HECW1: variants seen among roughly 807,000 people sequenced by gnomAD.
HECW1 encodes E3 ubiquitin-protein ligase HECW1.
Under a neutral mutation model 182.3 loss-of-function variants are expected in HECW1, and 61 were observed. The ratio of observed to expected loss-of-function variants is 0.33; its 90% CI spans 0.27 to 0.41. The LOEUF (loss-of-function observed/expected upper bound fraction) is 0.41, where lower values mean the gene tolerates loss of function less well. Ranked by LOEUF, HECW1 falls within the 10% of genes least tolerant of loss-of-function variation. The probability of loss-of-function intolerance (pLI) is 1.00; values close to 1 mark genes in which losing one functional copy is unlikely to be tolerated. For missense variants in HECW1, 1,739 were observed against 2,108.9 expected (o/e 0.82, Z 3.44); for synonymous variants, 859 against 832.6 (o/e 1.03, Z -0.55).
At chr7:43,319,380 C>A (rs545984228) in intron 4 of HECW1, among the ~76,000 whole-genome samples, 1 of 74,858 alleles carries the variant, frequency 1.3e-5, no homozygotes, top group East Asian at 3.9e-4. Context: ...GGCGACAGAG[C>A]GAGACTCCGT....
chr7:43,445,367 T>G lies in HECW1; in HGVS notation c.2195T>G (p.Val732Gly). The G allele has an allele frequency of 6.2e-7, 1 of 1,613,664 alleles. No individual in the cohort carries two copies. The highest frequency in any genetic ancestry group is 8.5e-7 in the Non-Finnish European group (1 of 1,180,002). ...AGCGCCAAGATCTCCGAGAGCACGG[T>G]CTTCTCCTCGCAAGACGACGAGGAG... ...VDSAKISESTVFSSQDDEEEE... is the reference protein window; with the variant it reads ...VDSAKISESTGFSSQDDEEEE... The change falls in exon 11 of 30, where the codon GTC (valine) becomes GGC (glycine). Residue 732 changes from valine (V) to glycine (G), a missense_variant. Val to Gly is a moderately radical substitution (Grantham distance 109). Around this residue, in one of 5 missense-constraint regions of HECW1, gnomAD observed 971 missense variants for 1,029.1 expected, o/e 0.94. Coordinates refer to ENST00000395891, the MANE Select transcript of HECW1 (RefSeq NM_015052.5).
intron 8 of HECW1, among the ~76,000 whole-genome samples, chr7:43,409,075 T>G (rs899638765): frequency 2.0e-5 from 3 of 152,180 alleles, no homozygotes; most frequent in Non-Finnish European, 2.9e-5. Flanking sequence ...AAAACATAAT[T>G]AGACATATGA....
chr7:43,404,366 T>G (rs566253828), intron 7 of HECW1, among the ~76,000 whole-genome samples: 1 of 152,328 alleles, frequency 6.6e-6, no homozygotes, highest in East Asian at 1.9e-4. Context: ...CTCCCAAAGC[T>G]AAGATATAAA....
chr7:43,179,442 C>G (rs1234505239), intron 2 of HECW1, among the ~76,000 whole-genome samples: 1 of 152,184 alleles, frequency 6.6e-6, no homozygotes, highest in Non-Finnish European at 1.5e-5. Context: ...AGGTGTGGTA[C>G]TAAAATTGAA....
At chr7:43,361,053 CGTGCGTGT>C (rs956405008) in intron 6 of HECW1, 73 bp downstream of exon 6, 13 of 810,918 alleles carry the variant, frequency 1.6e-5, no homozygotes, top group African/African-American at 1.0e-4. Context: ...TGTTCTTGTG[CGTGCGTGT>C]GTGTGTGTGT....
At position 43,311,796 on chromosome 7, in the gene HECW1, G is replaced by T. The variant is rs1413143821; in HGVS notation, c.61G>T (p.Ala21Ser). The T allele has an allele frequency of 1.2e-6, 2 of 1,613,834 alleles. No homozygotes were observed. The highest frequency in any genetic ancestry group is 1.7e-5 in the Admixed American group (1 of 59,998). Residue 21 changes from alanine to serine, a missense_variant, in exon 4 of 30, where the codon GCC becomes TCC. By Grantham distance (99) the Ala-to-Ser change is moderately conservative. Around this residue, in one of 5 missense-constraint regions of HECW1, gnomAD observed 279 missense variants for 353.1 expected, o/e 0.79. Transcript: ENST00000395891. ...CCAGAACAGGTTTTTAGGCCTGGCC[G>T]CCATGGCGTCTCCTTCTAGAAACTC... ...LYQNRFLGLAAMASPSRNSQS... is the reference protein window; with the variant it reads ...LYQNRFLGLASMASPSRNSQS...
At chr7:43,422,623 C>T (rs2076222293) in intron 8 of HECW1, among the ~76,000 whole-genome samples, 1 of 152,104 alleles carries the variant, frequency 6.6e-6, no homozygotes, top group Non-Finnish European at 1.5e-5. Context: ...CCTGCCTCAG[C>T]CTCCCAAAGT....
chr7:43,295,807 G>C (rs1230028560), intron 3 of HECW1, among the ~76,000 whole-genome samples: 1 of 152,084 alleles, frequency 6.6e-6, no homozygotes, highest in African/African-American at 2.4e-5. Flanking sequence ...TTCATTGTAA[G>C]CCCATTTATA....
chr7:43,336,156 C>A, intron 5 of HECW1, among the ~76,000 whole-genome samples: 2 of 72,470 alleles, frequency 2.8e-5, no homozygotes, highest in South Asian at 5.5e-4. Context: ...CTCTCTCTCT[C>A]TCTCTCTCTC....
intron 2 of HECW1, among the ~76,000 whole-genome samples, chr7:43,204,532 G>A (rs889139684): frequency 1.3e-5 from 2 of 152,200 alleles, no homozygotes; most frequent in East Asian, 3.8e-4. Flanking sequence ...AATTATACAA[G>A]ACAGGCATGG....
At chr7:43,339,524 A>G (rs992327892) in intron 5 of HECW1, among the ~76,000 whole-genome samples, 1 of 152,156 alleles carries the variant, frequency 6.6e-6, no homozygotes, top group Non-Finnish European at 1.5e-5. Flanking sequence ...TATGTACATC[A>G]TTGCTTCTTT....
chr7:43,325,427 A>C (rs746413616), intron 5 of HECW1, among the ~76,000 whole-genome samples: 4 of 152,114 alleles, frequency 2.6e-5, no homozygotes, highest in Non-Finnish European at 5.9e-5. Flanking sequence ...CAGGGCTTGG[A>C]TTGCCCCAGA....
chr7:43,129,150 A>G (rs1430419239), intron 2 of HECW1, among the ~76,000 whole-genome samples: 2 of 152,250 alleles, frequency 1.3e-5, no homozygotes, highest in Non-Finnish European at 2.9e-5. Flanking sequence ...ATTGACTCCA[A>G]TTTTGAAAGA....
At chr7:43,144,405 G>A (rs1788481050) in intron 2 of HECW1, among the ~76,000 whole-genome samples, 2 of 152,152 alleles carry the variant, frequency 1.3e-5, no homozygotes, top group South Asian at 2.1e-4. Context: ...ACTATGCATA[G>A]CTCACACTGA....
intron 6 of HECW1, among the ~76,000 whole-genome samples, chr7:43,376,793 G>T (rs947781702): frequency 6.6e-6 from 1 of 152,018 alleles, no homozygotes; most frequent in Non-Finnish European, 1.5e-5. Flanking sequence ...TTGAACCCAG[G>T]GGGCAGAGGT....
At chr7:43,196,012 G>T (rs1794428923) in intron 2 of HECW1, among the ~76,000 whole-genome samples, 1 of 152,184 alleles carries the variant, frequency 6.6e-6, no homozygotes, top group Non-Finnish European at 1.5e-5. Context: ...GGTCCAGTCG[G>T]TCTTAGCCAG....
intron 24 of HECW1, among the ~76,000 whole-genome samples, chr7:43,524,772 T>A (rs185733868): frequency 3.1e-4 from 47 of 152,356 alleles, no homozygotes; most frequent in African/African-American, 1.0e-3. Flanking sequence ...GGGCTATTGT[T>A]TCACCTCTAG....
chr7:43,442,685 C>G, intron 10 of HECW1, 56 bp downstream of exon 10: 1 of 1,198,762 alleles, frequency 8.3e-7, no homozygotes, highest in Non-Finnish European at 1.2e-6. Context: ...AAGTGTGGTT[C>G]CTTTTTCTAA....
At chr7:43,276,136 G>A (rs1803113316) in intron 3 of HECW1, among the ~76,000 whole-genome samples, 1 of 152,166 alleles carries the variant, frequency 6.6e-6, no homozygotes, top group Non-Finnish European at 1.5e-5. Flanking sequence ...TTTCTTGTCT[G>A]TGTAAGGGAT....
Sources: gnomAD v4.1 joint callset for allele counts (sites outside exome capture counted in the v4.1 genomes callset) on GRCh38, gnomAD v4.1.1 for gene constraint, gnomAD v4.1.1 regional missense constraint, MANE v1.5 for transcripts, NCBI Gene and HGNC (gene_info 2026-07-23, HGNC 2026-07-21) for gene names.